CANT1: variants seen among roughly 807,000 people sequenced by gnomAD.
CANT1 encodes calcium activated nucleotidase 1.
A neutral mutation model predicts 30.0 loss-of-function variants in CANT1; 26 were observed. The ratio of observed to expected loss-of-function variants is 0.87; its 90% CI spans 0.64 to 1.20. CANT1 has a LOEUF of 1.20. CANT1 is among the 50% of genes most tolerant of loss of function. CANT1 has a pLI of 0.00. For missense variants in CANT1, 518 were observed against 563.0 expected (o/e 0.92, Z 0.81); for synonymous variants, 246 against 251.8 (o/e 0.98, Z 0.22).
chr17:78,996,907 C>A lies in CANT1; in HGVS notation c.631+85G>T. Reference sequence around the variant, plus strand: ...TCCCTGGCTTCTAGGTGTGTGAATTCTTTACCATGTGCCTGTGTTTGCCAG... The same window carrying A: ...TCCCTGGCTTCTAGGTGTGTGAATTATTTACCATGTGCCTGTGTTTGCCAG... On this transcript the variant is annotated intron_variant, in intron 3 of 4. Transcript: ENST00000392446. The surrounding 1 kb of genome is among the most constrained non-coding windows in gnomAD (Gnocchi z 5.1). The A allele has an allele frequency of 6.3e-6, 10 of 1,578,658 alleles. No individual in the cohort carries two copies. The highest frequency in any genetic ancestry group is 8.6e-6 in the Non-Finnish European group (10 of 1,157,704).
chr17:79,008,643 G>T lies in CANT1; in HGVS notation c.-147+1021C>A, dbSNP rs957462481. The stretch of plus-strand genomic sequence containing the variant: ...AGGTGTTTGGGAGAGAGATGTGTCT[G>T]CTGATGGAAGAGTGGTCACAGGTGC... On this transcript the variant is annotated intron_variant, in intron 1 of 4. Coordinates refer to ENST00000392446, the MANE Select transcript of CANT1 (RefSeq NM_001159773.2). This position sits in a 1 kb window ranked among gnomAD's most constrained non-coding sequence, Gnocchi z 4.4. Among the ~76,000 whole-genome samples the T allele has an allele frequency of 5.3e-5, 8 of 152,212 alleles. No homozygotes were observed. The highest frequency in any genetic ancestry group is 1.9e-4 in the African/African-American group (8 of 41,452).
chr17:78,994,195 C>G (rs1409708607), intron 4 of CANT1, among the ~76,000 whole-genome samples: 1 of 152,000 alleles, frequency 6.6e-6, no homozygotes, highest in South Asian at 2.1e-4. Flanking sequence ...CTCATCGGAG[C>G]CTCCTCGGGG....
chr17:78,994,036 T>C, intron 4 of CANT1, 116 bp from the exon 5 acceptor site: 1 of 1,372,974 alleles, frequency 7.3e-7, no homozygotes, highest in Non-Finnish European at 9.7e-7. Flanking sequence ...GCCCACCAGC[T>C]CACAGCAACC....
intron 1 of CANT1, among the ~76,000 whole-genome samples, chr17:79,003,557 G>A (rs1466438584): frequency 2.0e-5 from 3 of 152,096 alleles, no homozygotes; most frequent in East Asian, 1.9e-4. Context: ...GAAGGGGCTC[G>A]TGTGAGGCTT....
At position 78,991,722 on chromosome 17, in the gene CANT1, C is replaced by A; in HGVS notation, c.*1828G>T. ...AGACCGGGAGACAGAAAACTACACT[C>A]CCTCAGACGCTTTATTGTTTACAAA... is the stretch of plus-strand genomic sequence containing the variant. On this transcript the variant is annotated 3_prime_UTR_variant, in exon 5 of 5. Transcript: ENST00000392446. 1 of 205,246 alleles carries A rather than the reference C, an allele frequency of 4.9e-6. No individual in the cohort carries two copies. Among genetic ancestry groups the A allele is most frequent in the Non-Finnish European group, 1.0e-5 (1 of 100,314 alleles). The allele number at this position is 205,246 out of a possible 1,614,324, so 12.7% of individuals were successfully genotyped here.
At chr17:79,006,953 G>A (rs2071574955) in intron 1 of CANT1, among the ~76,000 whole-genome samples, 1 of 152,168 alleles carries the variant, frequency 6.6e-6, no homozygotes, top group Non-Finnish European at 1.5e-5. Flanking sequence ...AGCCATTCTG[G>A]GGGGTCCCAG....
chr17:78,992,983 C>T lies in CANT1; in HGVS notation c.*567G>A. On this transcript the variant is annotated 3_prime_UTR_variant, in exon 5 of 5. Transcript: ENST00000392446. ...TGAGAACCAACAGATGTGCCTGCGC[C>T]CTGGCCTGTGCAGCTGTGGGCAGAT... 1 of 352,074 alleles carries T rather than the reference C, an allele frequency of 2.8e-6. No homozygotes were observed. The highest frequency in any genetic ancestry group is 5.4e-6 in the Non-Finnish European group (1 of 185,500). 21.8% of individuals were successfully genotyped at this position (352,074 alleles called of 1,614,324 possible).
rs1044621266 is a variant in CANT1, at chr17:78,991,865, G to C, written c.*1685C>G. 8.6e-6 allele frequency: 2 copies of C among 231,226 alleles called. No homozygotes were observed. The highest frequency in any genetic ancestry group is 2.2e-5 in the African/African-American group (1 of 45,208). 14.3% of individuals were successfully genotyped at this position (231,226 alleles called of 1,614,324 possible). A position where few individuals can be genotyped will look rare whatever the true frequency, so the allele number is the denominator to read the frequency against. On this transcript the variant is annotated 3_prime_UTR_variant, in exon 5 of 5. Transcript: ENST00000392446. ...AAATCACTGCCTATGCGAAGAGGCT[G>C]CTTCCGGGCACCTGGGCTGTGACTC...
intron 1 of CANT1, among the ~76,000 whole-genome samples, chr17:79,007,719 G>A (rs1297488027): frequency 1.3e-5 from 2 of 152,214 alleles, no homozygotes; most frequent in Admixed American, 1.3e-4. Flanking sequence ...CAGACCAGGT[G>A]CACAGTGACG....
chr17:78,998,306 AAC>A lies in CANT1; in HGVS notation c.-146-345_-146-344del, dbSNP rs1279772083. 6.5e-5 allele frequency: 10 copies of A among 154,630 alleles called. No individual in the cohort carries two copies. Among genetic ancestry groups the A allele is most frequent in the Non-Finnish European group, 1.4e-4 (10 of 69,420 alleles). 9.6% of individuals were successfully genotyped at this position (154,630 alleles called of 1,614,324 possible). ...AGGCTCCTGCAGCATTGGAATACCA[AAC>A]ACATCCAAACCAAATAAAAACACTC... On this transcript the variant is annotated intron_variant, in intron 1 of 4. Transcript: ENST00000392446. This position sits in a 1 kb window ranked among gnomAD's most constrained non-coding sequence, Gnocchi z 4.5.
chr17:79,007,334 G>C (rs2071588229), intron 1 of CANT1, among the ~76,000 whole-genome samples: 1 of 152,206 alleles, frequency 6.6e-6, no homozygotes, highest in Non-Finnish European at 1.5e-5. Context: ...ATAGTTCAGA[G>C]TGCACTGAGT....
chr17:78,995,303 G>A lies in CANT1; in HGVS notation c.632-82C>T, dbSNP rs2070996776. On this transcript the variant is annotated intron_variant, in intron 3 of 4. Transcript: ENST00000392446. The surrounding 1 kb of genome is among the most constrained non-coding windows in gnomAD (Gnocchi z 5.7). ...CTGGCTCCCACCCGGCCCCGCACCT[G>A]TCCTTAGACCCCGCACCTGACTCCC... is the stretch of plus-strand genomic sequence containing the variant. 1.4e-6 allele frequency: 2 copies of A among 1,426,666 alleles called. No individual in the cohort carries two copies. The highest frequency in any genetic ancestry group is 1.9e-6 in the Non-Finnish European group (2 of 1,037,942). The allele number at this position is 1,426,666 out of a possible 1,614,324, so 88.4% of individuals were successfully genotyped here. A position where few individuals can be genotyped will look rare whatever the true frequency, so the allele number is the denominator to read the frequency against.
Position 78,995,360 on chromosome 17 carries a change from C to A in CANT1, c.632-139G>T. 1 of 922,488 alleles carries A rather than the reference C, an allele frequency of 1.1e-6. No homozygotes were observed. Among genetic ancestry groups the A allele is most frequent in the Non-Finnish European group, 1.7e-6 (1 of 597,110 alleles). 57.1% of individuals were successfully genotyped at this position (922,488 alleles called of 1,614,324 possible). On this transcript the variant is annotated intron_variant, in intron 3 of 4. Transcript: ENST00000392446. This position sits in a 1 kb window ranked among gnomAD's most constrained non-coding sequence, Gnocchi z 5.7. ...CTCCACACCTGCCTCCCCTCCGGCC[C>A]GCACCTGGCTCCCGCCCAGGGCCGG...
At chr17:78,994,553 C>T (rs111981689) in intron 4 of CANT1, among the ~76,000 whole-genome samples, 4,393 of 152,274 alleles carry the variant, frequency 0.029, 94 homozygotes, top group Non-Finnish European at 0.043. Context: ...GCTCATTTGC[C>T]GCCAGAATCC....
chr17:79,003,316 A>T (rs1444693094), intron 1 of CANT1, among the ~76,000 whole-genome samples: 2 of 152,124 alleles, frequency 1.3e-5, no homozygotes, highest in Admixed American at 6.5e-5. Flanking sequence ...TTTGCAAAAA[A>T]ATTTCAAATC....
chr17:78,996,905 T>G lies in CANT1; in HGVS notation c.631+87A>C. ...CATCCCTGGCTTCTAGGTGTGTGAA[T>G]TCTTTACCATGTGCCTGTGTTTGCC... On this transcript the variant is annotated intron_variant, in intron 3 of 4. Coordinates refer to ENST00000392446, the MANE Select transcript of CANT1 (RefSeq NM_001159773.2). This position sits in a 1 kb window ranked among gnomAD's most constrained non-coding sequence, Gnocchi z 5.1. 6.4e-7 allele frequency: 1 copy of G among 1,571,936 alleles called. No homozygotes were observed. Among genetic ancestry groups the G allele is most frequent in the Non-Finnish European group, 8.7e-7 (1 of 1,151,904 alleles).
chr17:79,007,213 C>T (rs1378098309), intron 1 of CANT1, among the ~76,000 whole-genome samples: 1 of 152,202 alleles, frequency 6.6e-6, no homozygotes, highest in East Asian at 1.9e-4. Context: ...CCTAATTAAC[C>T]ATCTTGATTA....
chr17:79,005,651 C>T (rs1225295349), intron 1 of CANT1, among the ~76,000 whole-genome samples: 6 of 152,100 alleles, frequency 3.9e-5, no homozygotes, highest in Non-Finnish European at 7.4e-5. Flanking sequence ...GTGGCAGGTG[C>T]GCCAACCCCT....
In CANT1 at chr17:78,993,556, G is replaced by C. The variant is rs2070906446; in HGVS notation, c.1200C>G (p.Phe400Leu). 1 of 1,614,224 alleles carries C rather than the reference G, an allele frequency of 6.2e-7. No individual in the cohort carries two copies. Among genetic ancestry groups the C allele is most frequent in the Non-Finnish European group, 8.5e-7 (1 of 1,180,052 alleles). The change falls in exon 5 of 5, where the codon TTC becomes TTG. Residue 400 changes from phenylalanine to leucine, a missense_variant. Physicochemically the swap from Phe to Leu is conservative, Grantham distance 22. This residue lies in a region of CANT1 where 221 missense variants were observed against 211.8 expected (regional missense o/e 1.04). Coordinates refer to ENST00000392446, the MANE Select transcript of CANT1 (RefSeq NM_001159773.2). This position sits in a 1 kb window ranked among gnomAD's most constrained non-coding sequence, Gnocchi z 4.5. ...TCAGTGTTTCCGTTTTGAGTTAAAT[G>C]AACTCGATGCCTTCGTATTTCACGC... ...IGSVKYEGIEFI is the reference protein window; with the variant it reads ...IGSVKYEGIELI
Sources: gnomAD v4.1 joint callset for allele counts (sites outside exome capture counted in the v4.1 genomes callset) on GRCh38, gnomAD v4.1.1 for gene constraint, gnomAD v4.1.1 regional missense constraint, Gnocchi (gnomAD v3.1) non-coding constraint, MANE v1.5 for transcripts, NCBI Gene and HGNC (gene_info 2026-07-23, HGNC 2026-07-21) for gene names.